B3GNT2: variants seen among roughly 807,000 people sequenced by gnomAD.
The protein encoded by B3GNT2 is UDP-GlcNAc:betaGal beta-1,3-N-acetylglucosaminyltransferase 2.
In B3GNT2, 12 loss-of-function variants were observed where a neutral mutation model predicts 27.6. The ratio of observed to expected loss-of-function variants is 0.44; its 90% confidence interval spans 0.28 to 0.71. The LOEUF (loss-of-function observed/expected upper bound fraction) is 0.71, where lower values mean the gene tolerates loss of function less well. B3GNT2 is among the 30% of genes least tolerant of loss of function. B3GNT2 has a pLI of 0.17. For synonymous variants in B3GNT2, 192 were observed against 189.7 expected (o/e 1.01, Z -0.10); for missense variants, 413 against 488.5 (o/e 0.85, Z 1.46).
At position 62,222,582 on chromosome 2, in the gene B3GNT2, T is replaced by C. The variant is rs199523056; in HGVS notation, c.362T>C (p.Leu121Pro). Residue 121 changes from leucine (L) to proline (P), a missense_variant, in exon 2 of 2, where the codon CTG becomes CCG. By Grantham distance (98) the Leu-to-Pro change is moderately conservative. Transcript: ENST00000301998. The surrounding 1 kb of genome is among the most constrained non-coding windows in gnomAD (Gnocchi z 4.2). ...NLPDRFKDFL[L>P]YLRCRNYSLL... ...CCGGACAGATTTAAAGACTTTCTGCTGTATTTGAGATGCCGCAATTATTCA... is the reference window on the plus strand; with the variant it reads ...CCGGACAGATTTAAAGACTTTCTGCCGTATTTGAGATGCCGCAATTATTCA... The C allele has an allele frequency of 1.2e-6, 2 of 1,614,206 alleles. No individual in the cohort carries two copies. The highest frequency in any genetic ancestry group is 1.1e-5 in the South Asian group (1 of 91,080).
chr2:62,215,108 G>T (rs1674548448), intron 1 of B3GNT2, among the ~76,000 whole-genome samples: 1 of 152,232 alleles, frequency 6.6e-6, no homozygotes, highest in South Asian at 2.1e-4. Flanking sequence ...GTTGTAATCA[G>T]TGGGGGCCAG....
chr2:62,197,241 G>A (rs1401339744), intron 1 of B3GNT2, among the ~76,000 whole-genome samples: 5 of 152,114 alleles, frequency 3.3e-5, no homozygotes, highest in African/African-American at 1.2e-4. Context: ...CAGCACGGCA[G>A]GCGGACCCTT....
chr2:62,199,480 C>T (rs1558630395), intron 1 of B3GNT2, among the ~76,000 whole-genome samples: 1 of 152,106 alleles, frequency 6.6e-6, no homozygotes, highest in African/African-American at 2.4e-5. Flanking sequence ...AACATTGAGA[C>T]CTTGAGATCT....
chr2:62,197,927 G>A (rs1322016802), intron 1 of B3GNT2, among the ~76,000 whole-genome samples: 1 of 152,258 alleles, frequency 6.6e-6, no homozygotes, highest in African/African-American at 2.4e-5. Flanking sequence ...GAATTTGGGA[G>A]AGTTTTACTC....
chr2:62,205,339 C>T (rs1229805429), intron 1 of B3GNT2, among the ~76,000 whole-genome samples: 3 of 152,196 alleles, frequency 2.0e-5, no homozygotes, highest in African/African-American at 4.8e-5. Context: ...TCTTTAAATA[C>T]GGAAGCAAGT....
chr2:62,209,612 C>A (rs1053282842), intron 1 of B3GNT2, among the ~76,000 whole-genome samples: 1 of 152,114 alleles, frequency 6.6e-6, no homozygotes, highest in African/African-American at 2.4e-5. Context: ...ACAGGCCAGA[C>A]CCTTTACCCG....
intron 1 of B3GNT2, among the ~76,000 whole-genome samples, chr2:62,200,563 T>A (rs1298584504): frequency 1.3e-5 from 2 of 152,210 alleles, no homozygotes; most frequent in African/African-American, 4.8e-5. Context: ...AGATGAGGAT[T>A]TTTTTAACTT....
intron 1 of B3GNT2, among the ~76,000 whole-genome samples, chr2:62,213,653 C>T (rs1306496310): frequency 1.3e-5 from 2 of 152,152 alleles, no homozygotes; most frequent in Non-Finnish European, 2.9e-5. Context: ...ATCTTGCCCC[C>T]ACCCTCACGT....
chr2:62,216,596 G>T (rs1241027109), intron 1 of B3GNT2, among the ~76,000 whole-genome samples: 2 of 151,792 alleles, frequency 1.3e-5, no homozygotes, highest in Non-Finnish European at 2.9e-5. Flanking sequence ...TAGACATGGG[G>T]TCTCGCTATG....
chr2:62,196,331 C>G lies in B3GNT2; in HGVS notation c.-34C>G, dbSNP rs545188752. 3.3e-5 allele frequency: 5 copies of G among 152,486 alleles called. No individual in the cohort carries two copies. Among genetic ancestry groups the G allele is most frequent in the Non-Finnish European group, 7.3e-5 (5 of 68,222 alleles). 9.4% of individuals were successfully genotyped at this position (152,486 alleles called of 1,614,324 possible). A position where few individuals can be genotyped will look rare whatever the true frequency, so the allele number is the denominator to read the frequency against. On this transcript the variant is annotated 5_prime_UTR_variant, in exon 1 of 2. Coordinates refer to ENST00000301998, the MANE Select transcript of B3GNT2 (RefSeq NM_006577.6). ...TCTCCCGCCCTTGCCCCCGCCCCGCCGAGCTGGAGCTGCTCCCGGACAAGG... is the reference window on the plus strand; with the variant it reads ...TCTCCCGCCCTTGCCCCCGCCCCGCGGAGCTGGAGCTGCTCCCGGACAAGG...
At chr2:62,219,202 C>T (rs1341225894) in intron 1 of B3GNT2, among the ~76,000 whole-genome samples, 2 of 152,194 alleles carry the variant, frequency 1.3e-5, no homozygotes, top group Non-Finnish European at 2.9e-5. Context: ...ACTGTGCTTC[C>T]CTTTTTTCTT....
chr2:62,222,215 T>C lies in B3GNT2; in HGVS notation c.-6T>C, dbSNP rs761094578. On this transcript the variant is annotated 5_prime_UTR_variant, in exon 2 of 2. It removes an upstream start codon present in the reference 5' UTR. Coordinates refer to ENST00000301998, the MANE Select transcript of B3GNT2 (RefSeq NM_006577.6). The surrounding 1 kb of genome is among the most constrained non-coding windows in gnomAD (Gnocchi z 4.2). ...ATACTCCACCCCTTTATTCCAGATA[T>C]GAGAAATGAGTGTTGGACGTCGAAG... The C allele has an allele frequency of 6.3e-7, 1 of 1,585,520 alleles. No homozygotes were observed. Among genetic ancestry groups the C allele is most frequent in the Non-Finnish European group, 8.6e-7 (1 of 1,167,374 alleles).
chr2:62,213,165 T>C (rs1200789645), intron 1 of B3GNT2, among the ~76,000 whole-genome samples: 3 of 152,132 alleles, frequency 2.0e-5, no homozygotes, highest in Non-Finnish European at 2.9e-5. Context: ...TTTAAAAAAT[T>C]AGTTGGGTGT....
At chr2:62,214,547 A>G (rs1674536229) in intron 1 of B3GNT2, among the ~76,000 whole-genome samples, 1 of 152,188 alleles carries the variant, frequency 6.6e-6, no homozygotes, top group Non-Finnish European at 1.5e-5. Context: ...TGACCCATGA[A>G]CCCTCCTTTT....
Position 62,222,463 on chromosome 2 carries a change from G to C in B3GNT2, c.243G>C (p.Thr81=), listed in dbSNP as rs530600752. ...NPILSMLTNQ[T]GEAGRLSNIS... is the part of the protein sequence containing the mutation. Reference sequence around the variant, plus strand: ...TCCTGAGCATGCTGACCAACCAGACGGGGGAGGCGGGCAGGCTCTCCAATA... The same window carrying C: ...TCCTGAGCATGCTGACCAACCAGACCGGGGAGGCGGGCAGGCTCTCCAATA... The change falls in exon 2 of 2, where the codon ACG becomes ACC. Residue 81 remains threonine, a synonymous_variant. Coordinates refer to ENST00000301998, the MANE Select transcript of B3GNT2 (RefSeq NM_006577.6). The surrounding 1 kb of genome is among the most constrained non-coding windows in gnomAD (Gnocchi z 4.2). 6.8e-6 allele frequency: 11 copies of C among 1,614,080 alleles called. No homozygotes were observed. Among genetic ancestry groups the C allele is most frequent in the Middle Eastern group, 1.6e-4 (1 of 6,062 alleles).
At chr2:62,212,708 C>A (rs942651129) in intron 1 of B3GNT2, among the ~76,000 whole-genome samples, 3 of 151,972 alleles carry the variant, frequency 2.0e-5, no homozygotes, top group Admixed American at 6.6e-5. Context: ...TCAGAAAAAA[C>A]CCCTGCCCTA....
At chr2:62,221,403 C>T (rs1674689662) in intron 1 of B3GNT2, among the ~76,000 whole-genome samples, 3 of 152,214 alleles carry the variant, frequency 2.0e-5, no homozygotes, top group Admixed American at 2.0e-4. Flanking sequence ...TGGTTCCTGT[C>T]TCCTGCTTCC....
intron 1 of B3GNT2, among the ~76,000 whole-genome samples, chr2:62,217,304 G>C (rs1268224694): frequency 2.0e-5 from 3 of 152,176 alleles, no homozygotes. Flanking sequence ...ATCATTGCCT[G>C]GGTTTGAGTC....
In B3GNT2 at chr2:62,222,985, C is replaced by T; in HGVS notation, c.765C>T (p.Ile255=). ...DDDVFVNTHH[I]LNYLNSLSKT... is the part of the protein sequence containing the mutation. Reference sequence around the variant, plus strand: ...ATGTTTTTGTGAACACCCATCACATCCTGAATTACTTGAATAGTTTATCCA... The same window carrying T: ...ATGTTTTTGTGAACACCCATCACATTCTGAATTACTTGAATAGTTTATCCA... Residue 255 remains isoleucine (I), a synonymous_variant, in exon 2 of 2, where the codon ATC becomes ATT. Coordinates refer to ENST00000301998, the MANE Select transcript of B3GNT2 (RefSeq NM_006577.6). This position sits in a 1 kb window ranked among gnomAD's most constrained non-coding sequence, Gnocchi z 4.2. 1 of 1,614,200 alleles carries T rather than the reference C, an allele frequency of 6.2e-7. No homozygotes were observed. Among genetic ancestry groups the T allele is most frequent in the Non-Finnish European group, 8.5e-7 (1 of 1,180,038 alleles).
Sources: allele counts gnomAD v4.1 joint callset (sites outside exome capture counted in the v4.1 genomes callset), GRCh38; gene constraint gnomAD v4.1.1; non-coding constraint Gnocchi (gnomAD v3.1); transcripts MANE v1.5; gene names NCBI Gene and HGNC (gene_info 2026-07-23, HGNC 2026-07-21).